The following MAGI1 variants were observed in gnomAD, a reference collection of about 807,000 sequenced individuals.
The protein encoded by MAGI1 is membrane-associated guanylate kinase, WW and PDZ domain-containing protein 1.
Under a neutral mutation model 139.9 loss-of-function variants are expected in MAGI1, and 58 were observed. That is an observed-to-expected ratio of 0.41 (90% confidence interval 0.34 to 0.52). MAGI1 has a LOEUF of 0.52. MAGI1 is among the 20% of genes least tolerant of loss of function. MAGI1 has a pLI of 0.12. For missense variants in MAGI1, 1,874 were observed against 1,901.6 expected (o/e 0.99, Z 0.27); for synonymous variants, 812 against 737.9 (o/e 1.10, Z -1.63).
chr3:65,774,975 A>T lies in MAGI1; in HGVS notation c.314-152887T>A, dbSNP rs2038254332. 5.3e-5 allele frequency among the ~76,000 whole-genome samples: 8 copies of T among 152,212 alleles called. No homozygotes were observed. The South Asian group carries it at 1.7e-3, about 32-fold the overall frequency. On this transcript the variant is annotated intron_variant, in intron 1 of 22. Transcript: ENST00000402939. Reference sequence around the variant, plus strand: ...TCATGGGATAGTAGTGAAACAAGACAATGTATATGAATTTCATAGTACCCA... The same window carrying T: ...TCATGGGATAGTAGTGAAACAAGACTATGTATATGAATTTCATAGTACCCA...
At position 66,038,394 on chromosome 3, in the gene MAGI1, G is replaced by A. The variant is rs2069057981; in HGVS notation, c.-86C>T. Reference sequence around the variant, plus strand: ...AGCCCCCAAGCCTCCGCTTGTTCATGGGAGAAACATCTCTCCCCAAATCAC... The same window carrying A: ...AGCCCCCAAGCCTCCGCTTGTTCATAGGAGAAACATCTCTCCCCAAATCAC... On this transcript the variant is annotated 5_prime_UTR_variant, in exon 1 of 23. Transcript: ENST00000402939. 6.7e-6 allele frequency: 10 copies of A among 1,483,002 alleles called. No homozygotes were observed. Among genetic ancestry groups the A allele is most frequent in the African/African-American group, 1.4e-5 (1 of 71,140 alleles). The allele number at this position is 1,483,002 out of a possible 1,614,324, so 91.9% of individuals were successfully genotyped here. A position where few individuals can be genotyped will look rare whatever the true frequency, so the allele number is the denominator to read the frequency against.
rs2060813822 is a variant in MAGI1, at chr3:65,892,545, A to G, written c.313+145451T>C. ...CTACCAAAGCAAATCTAAAGAACGT[A>G]TATAAAAGAACTTACCTAAAACATT... On this transcript the variant is annotated intron_variant, in intron 1 of 22. Coordinates refer to ENST00000402939, the MANE Select transcript of MAGI1 (RefSeq NM_001033057.2). Among the ~76,000 whole-genome samples, 2 of 152,222 alleles carry G rather than the reference A, an allele frequency of 1.3e-5. 1 individual carries two copies. Among genetic ancestry groups the G allele is most frequent in the South Asian group, 4.1e-4 (2 of 4,826 alleles).
intron 18 of MAGI1, among the ~76,000 whole-genome samples, chr3:65,369,033 G>GT (rs754024669): frequency 1.3e-5 from 2 of 152,154 alleles, no homozygotes; most frequent in African/African-American, 2.4e-5. Flanking sequence ...TTCAGATTCA[G>GT]TAAGTTCAGC....
chr3:65,771,456 C>A (rs1441762663), intron 1 of MAGI1, among the ~76,000 whole-genome samples: 1 of 152,034 alleles, frequency 6.6e-6, no homozygotes, highest in East Asian at 1.9e-4. Context: ...TTACAGAACA[C>A]AGGGAAACAT....
chr3:65,850,522 C>T (rs973210151), intron 1 of MAGI1, among the ~76,000 whole-genome samples: 1 of 152,162 alleles, frequency 6.6e-6, no homozygotes, highest in Non-Finnish European at 1.5e-5. Context: ...AGGAACATTA[C>T]ATCATCTAAA....
At chr3:65,545,157 G>A (rs555187241) in intron 2 of MAGI1, among the ~76,000 whole-genome samples, 9 of 152,214 alleles carry the variant, frequency 5.9e-5, no homozygotes, top group Admixed American at 3.9e-4. Flanking sequence ...CCCTCATAAT[G>A]CGTCACTTCT....
At chr3:65,606,487 T>G (rs1179866249) in intron 2 of MAGI1, among the ~76,000 whole-genome samples, 3 of 151,596 alleles carry the variant, frequency 2.0e-5, no homozygotes, top group Non-Finnish European at 4.4e-5. Context: ...ATTACAGGTG[T>G]ATGCCACCAC....
At chr3:66,037,706 A>C (rs997510238) in intron 1 of MAGI1, among the ~76,000 whole-genome samples, 1 of 152,182 alleles carries the variant, frequency 6.6e-6, no homozygotes, top group African/African-American at 2.4e-5. Context: ...TCTCGGGTGC[A>C]GGCGAGACTG....
intron 1 of MAGI1, among the ~76,000 whole-genome samples, chr3:65,962,253 G>T (rs988880405): frequency 6.6e-6 from 1 of 151,236 alleles, no homozygotes; most frequent in Non-Finnish European, 1.5e-5. Flanking sequence ...TGAGTAGCTG[G>T]GACTACAGGC....
intron 1 of MAGI1, among the ~76,000 whole-genome samples, chr3:65,647,582 A>G (rs1291468794): frequency 1.3e-5 from 2 of 152,206 alleles, no homozygotes; most frequent in African/African-American, 4.8e-5. Flanking sequence ...TATTCCAGGG[A>G]TGCAAGGTTG....
At chr3:65,771,169 T>C (rs558917086) in intron 1 of MAGI1, among the ~76,000 whole-genome samples, 1 of 151,902 alleles carries the variant, frequency 6.6e-6, no homozygotes, top group East Asian at 2.0e-4. Context: ...TAGCCAGGCA[T>C]GGTGGCATGC....
chr3:65,551,935 C>T lies in MAGI1; in HGVS notation c.431-58304G>A, dbSNP rs138217328. On this transcript the variant is annotated intron_variant, in intron 2 of 22. Coordinates refer to ENST00000402939, the MANE Select transcript of MAGI1 (RefSeq NM_001033057.2). ...TGGTACAATTTCCCTGTGTGGGGCT[C>T]ATCAGAGGACTAGATAAGCCTGATG... Among the ~76,000 whole-genome samples the T allele has an allele frequency of 3.9e-5, 6 of 152,240 alleles. No individual in the cohort carries two copies. The East Asian group carries it at 1.2e-3, about 29-fold the overall frequency.
At chr3:65,904,944 G>A (rs1007224600) in intron 1 of MAGI1, among the ~76,000 whole-genome samples, 1 of 152,062 alleles carries the variant, frequency 6.6e-6, no homozygotes, top group African/African-American at 2.4e-5. Context: ...ACAAGAAAAC[G>A]CCTCATCCTG....
chr3:65,711,764 GC>G (rs2031464233), intron 1 of MAGI1, among the ~76,000 whole-genome samples: 2 of 152,170 alleles, frequency 1.3e-5, no homozygotes, highest in African/African-American at 4.8e-5. Context: ...CAGCCAAGGA[GC>G]AAGGTCTCAG....
chr3:65,508,186 A>G (rs1240399218), intron 2 of MAGI1, among the ~76,000 whole-genome samples: 3 of 151,814 alleles, frequency 2.0e-5, no homozygotes, highest in Non-Finnish European at 2.9e-5. Flanking sequence ...GGCAGATCAC[A>G]AGGTCAGGAG....
At chr3:65,494,077 G>T (rs112118603) in intron 2 of MAGI1, among the ~76,000 whole-genome samples, 2 of 152,016 alleles carry the variant, frequency 1.3e-5, no homozygotes, top group Non-Finnish European at 2.9e-5. Context: ...CAATACAACC[G>T]GCAAGTTCCA....
At chr3:65,765,073 G>C (rs2037354230) in intron 1 of MAGI1, among the ~76,000 whole-genome samples, 1 of 152,182 alleles carries the variant, frequency 6.6e-6, no homozygotes, top group Non-Finnish European at 1.5e-5. Context: ...CCCAAGGTAA[G>C]GAATGCATCC....
chr3:65,377,832 C>T (rs145721817), intron 17 of MAGI1, among the ~76,000 whole-genome samples: 12 of 152,316 alleles, frequency 7.9e-5, no homozygotes, highest in African/African-American at 2.9e-4. Flanking sequence ...ATAGACCTGG[C>T]TGAGTCACTG....
chr3:65,950,715 A>ACTGGT (rs2063796876), intron 1 of MAGI1, among the ~76,000 whole-genome samples: 1 of 152,034 alleles, frequency 6.6e-6, no homozygotes, highest in South Asian at 2.1e-4. Context: ...GCTACCCCCC[A>ACTGGT]CTGGTCGGCA....
Sources: allele counts gnomAD v4.1 joint callset (sites outside exome capture counted in the v4.1 genomes callset), GRCh38; gene constraint gnomAD v4.1.1; transcripts MANE v1.5; gene names NCBI Gene and HGNC (gene_info 2026-07-23, HGNC 2026-07-21).